The following SACM1L variants were observed in gnomAD, a reference collection of about 807,000 sequenced individuals.
SACM1L encodes the protein SAC1 like phosphatidylinositide phosphatase, also known as phosphatidylinositol-3-phosphatase SAC1.
In SACM1L, 32 loss-of-function variants were observed where a neutral mutation model predicts 89.5. The observed-to-expected ratio is 0.36, with a 90% CI of 0.27 to 0.48. SACM1L has a LOEUF of 0.48. Among genes scored for constraint, SACM1L ranks in the 20% least tolerant of loss-of-function variants. The pLI is 0.99. For synonymous variants in SACM1L, 213 were observed against 232.8 expected (o/e 0.92, Z 0.77); for missense variants, 543 against 708.5 (o/e 0.77, Z 2.65).
At chr3:45,740,001 C>A in intron 19 of SACM1L, 4 of 232,822 alleles carry the variant, frequency 1.7e-5, no homozygotes, top group South Asian at 7.9e-5. Flanking sequence ...TGTGCTTTTT[C>A]CAAAGAGGGT....
At chr3:45,709,712 C>G (rs1430549456) in intron 5 of SACM1L, 65 bp downstream of exon 5, 28 of 1,406,238 alleles carry the variant, frequency 2.0e-5, no homozygotes, top group Non-Finnish European at 9.7e-7. Flanking sequence ...CTGTTTCATG[C>G]ATAAAAATTT....
chr3:45,710,081 T>C (rs1698488221), intron 5 of SACM1L, among the ~76,000 whole-genome samples: 1 of 152,242 alleles, frequency 6.6e-6, no homozygotes, highest in Non-Finnish European at 1.5e-5. Context: ...CTTATAAAAT[T>C]CATATTCTAA....
At chr3:45,739,302 G>C (rs1699267561) in intron 18 of SACM1L, among the ~76,000 whole-genome samples, 1 of 152,168 alleles carries the variant, frequency 6.6e-6, no homozygotes, top group Admixed American at 6.5e-5. Context: ...GAATGGAAGG[G>C]AGGCCTAGTG....
chr3:45,714,238 TTTG>T (rs772886658), intron 7 of SACM1L, among the ~76,000 whole-genome samples, 159 bp downstream of exon 7: 3 of 118,636 alleles, frequency 2.5e-5, no homozygotes, highest in Admixed American at 8.7e-5. Flanking sequence ...TGCTATTTTG[TTTG>T]TTTTTTTTTT....
chr3:45,719,299 A>G (rs1198944993), intron 7 of SACM1L, among the ~76,000 whole-genome samples: 2 of 152,148 alleles, frequency 1.3e-5, no homozygotes, highest in African/African-American at 2.4e-5. Flanking sequence ...TAAACATACT[A>G]CCTTCGTGTC....
chr3:45,704,518 A>G (rs6786791), intron 2 of SACM1L, among the ~76,000 whole-genome samples: 3,839 of 152,248 alleles, frequency 0.025, 177 homozygotes, highest in African/African-American at 0.086. Context: ...CTCTCTCAAG[A>G]TAGCTGACTG....
At chr3:45,720,826 C>T (rs1698772961) in intron 8 of SACM1L, among the ~76,000 whole-genome samples, 1 of 152,148 alleles carries the variant, frequency 6.6e-6, no homozygotes, top group African/African-American at 2.4e-5. Flanking sequence ...GATATGGTAA[C>T]TAAAACAGTG....
intron 19 of SACM1L, among the ~76,000 whole-genome samples, chr3:45,741,335 A>T (rs1370703174): frequency 1.3e-5 from 2 of 152,164 alleles, no homozygotes; most frequent in East Asian, 3.8e-4. Context: ...CCTCATTAAT[A>T]CATAGGGAGT....
chr3:45,705,248 T>C, intron 3 of SACM1L, 39 bp downstream of exon 3: 1 of 1,244,262 alleles, frequency 8.0e-7, no homozygotes, highest in African/African-American at 1.5e-5. Flanking sequence ...AGAAGGTAAT[T>C]AGCAAGGTAG....
intron 11 of SACM1L, among the ~76,000 whole-genome samples, chr3:45,727,075 C>T (rs1698939218): frequency 2.4e-5 from 1 of 41,762 alleles, no homozygotes; most frequent in Non-Finnish European, 5.7e-5. Context: ...TTAGTAGAGA[C>T]GGGGTTTCAC....
rs755417408 is a variant in SACM1L, at chr3:45,732,193, A to G, written c.1100+42A>G. The G allele has an allele frequency of 2.5e-6, 3 of 1,180,638 alleles. No individual in the cohort carries two copies. In the African/African-American group the frequency reaches 4.6e-5, roughly 18 times the overall value. 73.1% of individuals were successfully genotyped at this position (1,180,638 alleles called of 1,614,324 possible). On this transcript the variant is annotated intron_variant, in intron 13 of 19. Coordinates refer to ENST00000389061, the MANE Select transcript of SACM1L (RefSeq NM_014016.5). The stretch of plus-strand genomic sequence containing the variant: ...CCTTAAGGAGGTAGAGGGAAGAGGT[A>G]TATATATCAGTCATATTTTATTATG...
chr3:45,715,277 C>G (rs1698625354), intron 7 of SACM1L, among the ~76,000 whole-genome samples: 1 of 152,058 alleles, frequency 6.6e-6, no homozygotes, highest in Admixed American at 6.5e-5. Context: ...CAATACAAGT[C>G]TATTATTTAT....
chr3:45,719,715 AG>A, intron 8 of SACM1L, 114 bp downstream of exon 8: 1 of 577,598 alleles, frequency 1.7e-6, no homozygotes, highest in Non-Finnish European at 3.0e-6. Flanking sequence ...AGCCTTGCTA[AG>A]TATTTATCTC....
At chr3:45,737,435 G>GCTGGGGCCCCCTATAGACAACAGACATT in intron 14 of SACM1L, 148 bp from the exon 15 acceptor site, 1 of 785,182 alleles carries the variant, frequency 1.3e-6, no homozygotes, top group South Asian at 1.6e-5. Context: ...GCTGCTGTGA[G>GCTGGGGCCCCCTATAGACAACAGACATT]CTGGGGCCCC....
intron 3 of SACM1L, among the ~76,000 whole-genome samples, chr3:45,706,035 G>C (rs185120537): frequency 8.0e-4 from 122 of 152,340 alleles, no homozygotes; most frequent in Non-Finnish European, 1.3e-3. Flanking sequence ...GCAGTTCACA[G>C]TCTAGTGAGA....
intron 14 of SACM1L, among the ~76,000 whole-genome samples, chr3:45,736,321 G>A (rs867520125): frequency 1.3e-5 from 2 of 152,128 alleles, no homozygotes; most frequent in South Asian, 2.1e-4. Context: ...GAGAAAAATG[G>A]TTTTTTTCTT....
chr3:45,731,796 A>C (rs2276859), intron 12 of SACM1L, among the ~76,000 whole-genome samples: 18,064 of 152,174 alleles, frequency 0.12, 1,081 homozygotes, highest in East Asian at 0.14. Context: ...GGATAGATAT[A>C]TATGCATATA....
At chr3:45,698,882 T>C (rs560475912) in intron 1 of SACM1L, among the ~76,000 whole-genome samples, 2 of 152,268 alleles carry the variant, frequency 1.3e-5, no homozygotes, top group South Asian at 4.1e-4. Flanking sequence ...GCGATTCCCC[T>C]GTCTCAGCCT....
chr3:45,719,473 T>C, intron 7 of SACM1L, 27 bp from the exon 8 acceptor site: 1 of 1,235,526 alleles, frequency 8.1e-7, no homozygotes, highest in Non-Finnish European at 1.2e-6. Context: ...TTCTATTATA[T>C]GTTATATTTT....
Sources: allele counts gnomAD v4.1 joint callset (sites outside exome capture counted in the v4.1 genomes callset), GRCh38; gene constraint gnomAD v4.1.1; transcripts MANE v1.5; gene names NCBI Gene and HGNC (gene_info 2026-07-23, HGNC 2026-07-21).